PCM1: variants seen among roughly 807,000 people sequenced by gnomAD.
PCM1 encodes the protein pericentriolar material 1 protein.
A neutral mutation model predicts 241.9 loss-of-function variants in PCM1; 157 were observed. The ratio of observed to expected loss-of-function variants is 0.65; its 90% CI spans 0.57 to 0.74. The LOEUF (loss-of-function observed/expected upper bound fraction) is 0.74. PCM1 is among the 30% of genes least tolerant of loss of function. The pLI, the probability that PCM1 is intolerant of heterozygous loss-of-function variation, is 0.00. For synonymous variants in PCM1, 1,085 were observed against 784.9 expected (o/e 1.38, Z -6.39); for missense variants, 3,478 against 2,360.1 (o/e 1.47, Z -9.81).
At chr8:17,962,222 C>CTT in intron 16 of PCM1, 48 bp downstream of exon 16, 5 of 1,409,378 alleles carry the variant, frequency 3.5e-6, no homozygotes, top group South Asian at 1.3e-5. Flanking sequence ...TTTTGTTTTC[C>CTT]TTTTTTTTTC....
chr8:17,976,567 C>T (rs536100225), intron 23 of PCM1, among the ~76,000 whole-genome samples: 101 of 152,312 alleles, frequency 6.6e-4, no homozygotes, highest in Non-Finnish European at 1.4e-3. Context: ...ATTCCATGGC[C>T]TTCTGCCAAG....
chr8:17,993,739 C>A (rs429633), intron 29 of PCM1, 120 bp downstream of exon 29: 437,258 of 734,590 alleles, frequency 0.6, 136,169 homozygotes, highest in Non-Finnish European at 0.64. Context: ...AAAACTATCA[C>A]CCATAATTTT....
intron 26 of PCM1, among the ~76,000 whole-genome samples, chr8:17,986,689 A>T (rs113485346): frequency 6.6e-6 from 1 of 151,732 alleles, no homozygotes; most frequent in Non-Finnish European, 1.5e-5. Flanking sequence ...AACTGCTAGT[A>T]TATTGAGGAG....
chr8:17,954,401 T>C (rs1485144668), intron 9 of PCM1, among the ~76,000 whole-genome samples: 1 of 140,086 alleles, frequency 7.1e-6, no homozygotes, highest in African/African-American at 2.7e-5. Context: ...CACTCCAGCC[T>C]GGGCAACAAA....
chr8:17,939,122 T>G, intron 5 of PCM1, 113 bp downstream of exon 5: 1 of 926,686 alleles, frequency 1.1e-6, no homozygotes, highest in South Asian at 1.8e-5. Flanking sequence ...GGAATTAAAG[T>G]GCTTCACTGA....
At chr8:17,986,135 G>T in intron 26 of PCM1, 48 bp downstream of exon 26, 1 of 1,247,916 alleles carries the variant, frequency 8.0e-7, no homozygotes, top group Non-Finnish European at 1.1e-6. Context: ...TTAGTATGCA[G>T]TAAATAAAAG....
intron 16 of PCM1, 66 bp downstream of exon 16, chr8:17,962,240 A>T: frequency 7.2e-7 from 1 of 1,388,168 alleles, no homozygotes; most frequent in South Asian, 1.3e-5. Context: ...TTCTTCAATA[A>T]GGCACATCTC....
At chr8:17,963,401 C>T in intron 17 of PCM1, 110 bp downstream of exon 17, 1 of 690,176 alleles carries the variant, frequency 1.4e-6, no homozygotes, top group Non-Finnish European at 2.3e-6. Flanking sequence ...TCTGCTATTT[C>T]AGTGAGGCTA....
chr8:17,989,236 A>C (rs1218682928), intron 26 of PCM1, among the ~76,000 whole-genome samples: 1 of 152,010 alleles, frequency 6.6e-6, no homozygotes, highest in East Asian at 1.9e-4. Flanking sequence ...TACAACCAGC[A>C]GAACTGATCT....
At chr8:18,024,465 C>A (rs2094004303) in intron 36 of PCM1, among the ~76,000 whole-genome samples, 1 of 152,156 alleles carries the variant, frequency 6.6e-6, no homozygotes, top group Non-Finnish European at 1.5e-5. Context: ...AAGAGTAACT[C>A]TTCTAACTCT....
chr8:17,979,817 A>C (rs1399273806), intron 23 of PCM1, among the ~76,000 whole-genome samples: 6 of 152,082 alleles, frequency 3.9e-5, no homozygotes. Flanking sequence ...GCTTATGTGG[A>C]AGGACAGATG....
intron 35 of PCM1, 64 bp from the exon 36 acceptor site, chr8:18,014,517 TTAG>T: frequency 1.6e-6 from 2 of 1,280,968 alleles, no homozygotes; most frequent in African/African-American, 3.0e-5. Flanking sequence ...ATTGTCTTTA[TTAG>T]TATAATAGTA....
At chr8:18,000,538 A>G (rs1301126637) in intron 29 of PCM1, among the ~76,000 whole-genome samples, 2 of 151,686 alleles carry the variant, frequency 1.3e-5, no homozygotes, top group African/African-American at 4.8e-5. Context: ...GTCGAGAGAG[A>G]GAGAAAACTG....
At chr8:17,967,244 G>T in intron 21 of PCM1, 74 bp downstream of exon 21, 3 of 1,035,684 alleles carry the variant, frequency 2.9e-6, no homozygotes, top group Non-Finnish European at 2.8e-6. Flanking sequence ...CTATTGCCTA[G>T]ATGTTTTAAC....
In PCM1 at chr8:17,967,080, C is replaced by T. The variant is rs1484816557; in HGVS notation, c.3322C>T (p.Pro1108Ser). ...CAGTAGTGCATCGCACCCTCCTTCT[C>T]CCAGTTTATTTTGTCCTTTCAGCTT... ...RGSSASHPPS[P>S]SLFCPFSFPT... The change falls in exon 21 of 39, where the codon CCC (proline) becomes TCC (serine). Residue 1108 changes from proline (P) to serine (S), a missense_variant. By Grantham distance (74) the Pro-to-Ser change is moderately conservative (BLOSUM62 -1). Coordinates refer to ENST00000325083, the MANE Select transcript of PCM1 (RefSeq NM_006197.4). 2 of 1,608,942 alleles carry T rather than the reference C, an allele frequency of 1.2e-6. No homozygotes were observed. Among genetic ancestry groups the T allele is most frequent in the Admixed American group, 3.4e-5 (2 of 59,324 alleles).
intron 36 of PCM1, among the ~76,000 whole-genome samples, chr8:18,016,303 G>C (rs1564409659): frequency 6.6e-6 from 1 of 151,992 alleles, no homozygotes; most frequent in Non-Finnish European, 1.5e-5. Context: ...GGTATTATGG[G>C]TTCATTAACA....
chr8:17,966,187 G>C lies in PCM1; in HGVS notation c.3044G>C (p.Ser1015Thr). The change falls in exon 19 of 39, where the codon AGT (serine) becomes ACT (threonine). Residue 1015 changes from serine (S) to threonine (T), a missense_variant. Coordinates refer to ENST00000325083, the MANE Select transcript of PCM1 (RefSeq NM_006197.4). Reference sequence around the variant, plus strand: ...AAGAAACAGCTTGATTTTAGTGTCAGTATTTGTCAGACTTTGATGCAAGAC... The same window carrying C: ...AAGAAACAGCTTGATTTTAGTGTCACTATTTGTCAGACTTTGATGCAAGAC... ...QLKKQLDFSV[S>T]ICQTLMQDQQ... 6.2e-7 allele frequency: 1 copy of C among 1,613,832 alleles called. No homozygotes were observed. Among genetic ancestry groups the C allele is most frequent in the Non-Finnish European group, 8.5e-7 (1 of 1,179,788 alleles).
intron 29 of PCM1, among the ~76,000 whole-genome samples, chr8:17,999,814 T>C (rs2088576270): frequency 6.6e-6 from 1 of 152,146 alleles, no homozygotes; most frequent in Admixed American, 6.6e-5. Flanking sequence ...AGGCTTCTGT[T>C]CTGCCATCTT....
At chr8:18,014,111 A>AAAAG (rs149815514) in intron 35 of PCM1, 75 bp downstream of exon 35, 3 of 771,272 alleles carry the variant, frequency 3.9e-6, no homozygotes, top group Non-Finnish European at 4.1e-6. Context: ...AAAAAAAAAA[A>AAAAG]CACACACAGA....
Sources: gnomAD v4.1 joint callset for allele counts (sites outside exome capture counted in the v4.1 genomes callset) on GRCh38, gnomAD v4.1.1 for gene constraint, MANE v1.5 for transcripts, NCBI Gene and HGNC (gene_info 2026-07-23, HGNC 2026-07-21) for gene names.